AKAP10: variants seen among roughly 807,000 people sequenced by gnomAD.
The protein encoded by AKAP10 is A-kinase anchor protein 10, mitochondrial.
In AKAP10, 24 loss-of-function variants were observed where a neutral mutation model predicts 80.8. The ratio of observed to expected loss-of-function variants is 0.30; its 90% CI spans 0.22 to 0.42. AKAP10 has a LOEUF of 0.42. AKAP10 is among the 10% of genes least tolerant of loss of function. The probability of loss-of-function intolerance (pLI) is 1.00; values close to 1 mark genes in which losing one functional copy is unlikely to be tolerated. For synonymous variants in AKAP10, 291 were observed against 277.7 expected (o/e 1.05, Z -0.48); for missense variants, 661 against 794.9 (o/e 0.83, Z 2.03).
At chr17:19,921,036 C>A (rs372851259) in intron 11 of AKAP10, among the ~76,000 whole-genome samples, 4 of 150,290 alleles carry the variant, frequency 2.7e-5, no homozygotes, top group South Asian at 4.2e-4. Flanking sequence ...TAAAATCACC[C>A]AACAGAAATA....
rs183197669 is a variant in AKAP10 at position 19,924,201 on chromosome 17, C to T, written c.1751+207G>A. ...AACTGAGATACCAAGAGGTTAGCGG[C>T]TGCCAATAAATGGCAGAGCCAAGAT... On this transcript the variant is annotated intron_variant, in intron 11 of 14. Transcript: ENST00000225737. 2.6e-5 allele frequency among the ~76,000 whole-genome samples: 4 copies of T among 152,290 alleles called. No individual in the cohort carries two copies. In the East Asian group the frequency reaches 7.7e-4, roughly 29 times the overall value.
chr17:19,936,133 T>C, intron 9 of AKAP10, 153 bp downstream of exon 9: 1 of 784,786 alleles, frequency 1.3e-6, no homozygotes, highest in Non-Finnish European at 2.0e-6. Flanking sequence ...TGACTGTACA[T>C]ACCAGGCCAG....
At chr17:19,938,733 G>GTT (rs150912015) in intron 8 of AKAP10, among the ~76,000 whole-genome samples, 8 of 140,776 alleles carry the variant, frequency 5.7e-5, no homozygotes, top group Non-Finnish European at 7.8e-5. Flanking sequence ...TACCTTTGTT[G>GTT]TTTTTTTTTT....
intron 9 of AKAP10, among the ~76,000 whole-genome samples, chr17:19,935,683 C>T (rs995773720): frequency 6.6e-6 from 1 of 151,846 alleles, no homozygotes; most frequent in Non-Finnish European, 1.5e-5. Flanking sequence ...TAAGCCTACA[C>T]AGGGTCAGGA....
chr17:19,972,138 T>C (rs1056604956), intron 1 of AKAP10, among the ~76,000 whole-genome samples: 7 of 152,250 alleles, frequency 4.6e-5, no homozygotes, highest in African/African-American at 1.7e-4. Context: ...GCATTTTTAA[T>C]GAAAGTGACT....
chr17:19,939,904 A>T, intron 7 of AKAP10, 55 bp from the exon 8 acceptor site: 1 of 1,544,050 alleles, frequency 6.5e-7, no homozygotes, highest in South Asian at 1.2e-5. Context: ...TTTCTCTCAC[A>T]ATCTCTAATC....
intron 12 of AKAP10, among the ~76,000 whole-genome samples, chr17:19,919,634 C>T (rs1024641657): frequency 4.6e-5 from 7 of 150,832 alleles, no homozygotes; most frequent in Non-Finnish European, 7.4e-5. Context: ...CAGTGAGGTG[C>T]GGTCAGACCA....
intron 5 of AKAP10, 129 bp downstream of exon 5, chr17:19,947,278 G>C: frequency 2.7e-6 from 2 of 731,860 alleles, no homozygotes; most frequent in South Asian, 3.5e-5. Context: ...AAAATACTCA[G>C]AAAACAAATT....
chr17:19,919,720 A>G (rs2042789778), intron 12 of AKAP10, among the ~76,000 whole-genome samples: 1 of 152,092 alleles, frequency 6.6e-6, no homozygotes. Context: ...ATAATTTAAT[A>G]AAATAAACGG....
chr17:19,928,134 A>G, intron 10 of AKAP10, among the ~76,000 whole-genome samples: 1 of 152,142 alleles, frequency 6.6e-6, no homozygotes, highest in Admixed American at 6.5e-5. Flanking sequence ...CTGAGGCAGG[A>G]GAATCACTTG....
In AKAP10 at chr17:19,924,463, T is replaced by C. The variant is rs1401034523; in HGVS notation, c.1696A>G (p.Ile566Val). Residue 566 changes from isoleucine to valine, a missense_variant, in exon 11 of 15, where the codon ATT (isoleucine) becomes GTT (valine). Transcript: ENST00000225737. ...GGATCCAGACTTGCCGCATCCACAA[T>C]TATCGCTTCATCAAAATTTTTCAGT... is the stretch of plus-strand genomic sequence containing the variant. ...KILKNFDEAI[I>V]VDAASLDPES... The C allele has an allele frequency of 6.2e-7, 1 of 1,607,484 alleles. No individual in the cohort carries two copies. Among genetic ancestry groups the C allele is most frequent in the Non-Finnish European group, 8.5e-7 (1 of 1,176,332 alleles).
intron 8 of AKAP10, among the ~76,000 whole-genome samples, chr17:19,936,635 A>G (rs1269045220): frequency 2.0e-5 from 3 of 152,114 alleles, no homozygotes; most frequent in Non-Finnish European, 4.4e-5. Context: ...CTACCTTTCT[A>G]TCTGCCTGCC....
chr17:19,973,061 C>T (rs2043519862), intron 1 of AKAP10, among the ~76,000 whole-genome samples: 1 of 152,144 alleles, frequency 6.6e-6, no homozygotes, highest in South Asian at 2.1e-4. Flanking sequence ...CTCACTGCAA[C>T]CTCTGCCTCC....
At chr17:19,937,343 A>C (rs1375995501) in intron 8 of AKAP10, among the ~76,000 whole-genome samples, 1 of 152,088 alleles carries the variant, frequency 6.6e-6, no homozygotes, top group Non-Finnish European at 1.5e-5. Flanking sequence ...CTCTACTAAA[A>C]ATACAAAAAT....
In AKAP10 at chr17:19,930,961, G is replaced by A. The variant is rs139899843; in HGVS notation, c.1641+844C>T. On this transcript the variant is annotated intron_variant, in intron 10 of 14. Transcript: ENST00000225737. ...CCCGACCTCGTGATCTGCCTGCCTC[G>A]GTCTCCCAAAGTGCTGGGATTACAG... is the stretch of plus-strand genomic sequence containing the variant. Among the ~76,000 whole-genome samples the A allele has an allele frequency of 7.5e-3, 1,137 of 151,982 alleles. 4 individuals are homozygous for A. Among genetic ancestry groups the A allele is most frequent in the Non-Finnish European group, 0.011 (751 of 67,976 alleles).
intron 11 of AKAP10, among the ~76,000 whole-genome samples, chr17:19,922,473 C>T (rs1038594556): frequency 2.0e-5 from 3 of 151,966 alleles, no homozygotes; most frequent in Non-Finnish European, 4.4e-5. Context: ...AGGCTGGTTT[C>T]GAACTCAAGT....
At chr17:19,951,045 C>G (rs1272461807) in intron 4 of AKAP10, among the ~76,000 whole-genome samples, 2 of 152,096 alleles carry the variant, frequency 1.3e-5, no homozygotes, top group Non-Finnish European at 2.9e-5. Context: ...GCCGCCCCGT[C>G]TGAGAAGTGA....
intron 10 of AKAP10, 62 bp downstream of exon 10, chr17:19,931,743 G>T: frequency 1.3e-6 from 2 of 1,501,922 alleles, no homozygotes. Flanking sequence ...ATCTGTTACT[G>T]GGATGTGAAG....
chr17:19,914,528 G>C (rs2042723598), intron 12 of AKAP10, among the ~76,000 whole-genome samples: 1 of 148,872 alleles, frequency 6.7e-6, no homozygotes, highest in African/African-American at 2.5e-5. Context: ...TGCAGTTCCA[G>C]CTACTCGAGA....
Sources: allele counts gnomAD v4.1 joint callset (sites outside exome capture counted in the v4.1 genomes callset), GRCh38; gene constraint gnomAD v4.1.1; transcripts MANE v1.5; gene names NCBI Gene and HGNC (gene_info 2026-07-23, HGNC 2026-07-21).